ASAP1: variants seen among roughly 807,000 people sequenced by gnomAD.
The protein encoded by ASAP1 is arf-GAP with SH3 domain, ANK repeat and PH domain-containing protein 1.
Under a neutral mutation model 145.2 loss-of-function variants are expected in ASAP1, and 43 were observed. The ratio of observed to expected loss-of-function variants is 0.30; its 90% CI spans 0.23 to 0.38. The LOEUF (loss-of-function observed/expected upper bound fraction) is 0.38, where lower values mean the gene tolerates loss of function less well. Among genes scored for constraint, ASAP1 ranks in the 10% least tolerant of loss-of-function variants. The probability of loss-of-function intolerance (pLI) is 1.00; values close to 1 mark genes in which losing one functional copy is unlikely to be tolerated. For missense variants in ASAP1, 1,018 were observed against 1,355.3 expected (o/e 0.75, Z 3.91); for synonymous variants, 546 against 515.5 (o/e 1.06, Z -0.80).
intron 2 of ASAP1, among the ~76,000 whole-genome samples, chr8:130,393,993 T>C (rs143198111): frequency 0.052 from 7,885 of 152,262 alleles, 243 homozygotes; most frequent in Middle Eastern, 0.12. Flanking sequence ...TCTCTTAATC[T>C]CATCATTTTC....
chr8:130,268,463 G>C (rs1820390275), intron 3 of ASAP1, among the ~76,000 whole-genome samples: 1 of 150,134 alleles, frequency 6.7e-6, no homozygotes, highest in African/African-American at 2.5e-5. Flanking sequence ...ACTCCAGCCT[G>C]GGTGACAGAG....
intron 1 of ASAP1, among the ~76,000 whole-genome samples, chr8:130,405,733 A>T (rs1367645272): frequency 6.6e-6 from 1 of 152,190 alleles, no homozygotes; most frequent in Non-Finnish European, 1.5e-5. Flanking sequence ...TTGACTCTGA[A>T]CTAATTCGAA....
At chr8:130,140,993 C>T (rs1300013800) in intron 13 of ASAP1, among the ~76,000 whole-genome samples, 1 of 152,204 alleles carries the variant, frequency 6.6e-6, no homozygotes, top group Non-Finnish European at 1.5e-5. Flanking sequence ...TTTCAAAGCA[C>T]TTTCTTGACA....
chr8:130,418,570 A>C (rs898650662), intron 1 of ASAP1, among the ~76,000 whole-genome samples: 1 of 151,484 alleles, frequency 6.6e-6, no homozygotes. Context: ...AAATAAATAA[A>C]TAAAATAAAG....
intron 2 of ASAP1, chr8:130,386,797 T>G (rs889746188): frequency 1.3e-5 from 2 of 152,196 alleles, no homozygotes; most frequent in African/African-American, 4.8e-5. Context: ...CTGCAGTAAC[T>G]TTGTAAACCT....
At chr8:130,236,585 G>T in intron 4 of ASAP1, among the ~76,000 whole-genome samples, 1 of 152,096 alleles carries the variant, frequency 6.6e-6, no homozygotes, top group East Asian at 1.9e-4. Context: ...AGATTCTGAT[G>T]TGTTTAACTG....
chr8:130,281,280 A>C (rs188797149), intron 3 of ASAP1, among the ~76,000 whole-genome samples: 59 of 152,322 alleles, frequency 3.9e-4, no homozygotes, highest in Admixed American at 3.3e-3. Flanking sequence ...GATCAACATA[A>C]ACAATGTTTC....
intron 23 of ASAP1, among the ~76,000 whole-genome samples, chr8:130,112,716 A>C (rs532902202): frequency 6.6e-6 from 1 of 152,320 alleles, no homozygotes; most frequent in South Asian, 2.1e-4. Context: ...TCAACCCTTT[A>C]ACGTTGAAGT....
At chr8:130,417,149 C>A (rs1193734922) in intron 1 of ASAP1, among the ~76,000 whole-genome samples, 1 of 151,692 alleles carries the variant, frequency 6.6e-6, no homozygotes, top group African/African-American at 2.4e-5. Flanking sequence ...AGAAATACAA[C>A]CCATGTACAA....
At position 130,433,026 on chromosome 8, in the gene ASAP1, A is replaced by G. The variant is rs142539968; in HGVS notation, c.-28+10434T>C. Among the ~76,000 whole-genome samples the G allele has an allele frequency of 2.1e-3, 313 of 152,302 alleles. 2 individuals carry two copies. The highest frequency in any genetic ancestry group is 3.9e-3 in the Non-Finnish European group (262 of 68,006). ...GCTGCTCAACAGAGTGTAGACTGCA[A>G]ATATCCCACATCTCCACCCTGCTGC... On this transcript the variant is annotated intron_variant, in intron 1 of 29. Coordinates refer to ENST00000518721, the MANE Select transcript of ASAP1 (RefSeq NM_018482.4).
intron 25 of ASAP1, among the ~76,000 whole-genome samples, chr8:130,085,604 C>T (rs535722142): frequency 1.3e-5 from 2 of 151,768 alleles, no homozygotes; most frequent in East Asian, 1.9e-4. Flanking sequence ...TGTGGTGTGA[C>T]GCACCCAGAG....
intron 4 of ASAP1, among the ~76,000 whole-genome samples, chr8:130,219,647 T>C (rs1049313414): frequency 1.3e-5 from 2 of 151,998 alleles, no homozygotes; most frequent in African/African-American, 4.8e-5. Context: ...CAGTGGGAGT[T>C]AGGGTAAGTA....
At chr8:130,286,111 A>G (rs1354669683) in intron 3 of ASAP1, among the ~76,000 whole-genome samples, 2 of 152,190 alleles carry the variant, frequency 1.3e-5, no homozygotes, top group Non-Finnish European at 2.9e-5. Context: ...ATTATTTGCT[A>G]TTTTCTAAAT....
At chr8:130,350,678 T>C (rs1346814291) in intron 3 of ASAP1, among the ~76,000 whole-genome samples, 1 of 152,206 alleles carries the variant, frequency 6.6e-6, no homozygotes. Context: ...CATCACAGCT[T>C]TCATGAGCCT....
intron 11 of ASAP1, among the ~76,000 whole-genome samples, chr8:130,165,475 G>C (rs965878746): frequency 2.0e-5 from 3 of 152,148 alleles, no homozygotes; most frequent in African/African-American, 7.2e-5. Context: ...ATTTCTCCTA[G>C]GATTTATGTG....
chr8:130,233,465 A>C (rs1395892660), intron 4 of ASAP1, among the ~76,000 whole-genome samples: 1 of 152,178 alleles, frequency 6.6e-6, no homozygotes, highest in Non-Finnish European at 1.5e-5. Context: ...ACCCTGAACA[A>C]GTTATTCTGT....
chr8:130,383,202 C>A (rs977854353), intron 2 of ASAP1, among the ~76,000 whole-genome samples: 5 of 152,220 alleles, frequency 3.3e-5, no homozygotes, highest in African/African-American at 1.2e-4. Flanking sequence ...GCAAGGCAGG[C>A]AGACTGCTCA....
intron 29 of ASAP1, among the ~76,000 whole-genome samples, chr8:130,057,042 T>C (rs1322183030): frequency 6.6e-6 from 1 of 152,258 alleles, no homozygotes; most frequent in Non-Finnish European, 1.5e-5. Flanking sequence ...CAGGTTTTAA[T>C]GTAAAAGGAG....
intron 3 of ASAP1, among the ~76,000 whole-genome samples, chr8:130,278,623 T>C (rs1334916092): frequency 6.6e-6 from 1 of 152,166 alleles, no homozygotes; most frequent in Non-Finnish European, 1.5e-5. Flanking sequence ...AGAGTGCAAA[T>C]ATTGGACTGG....
Sources: allele counts gnomAD v4.1 joint callset (sites outside exome capture counted in the v4.1 genomes callset), GRCh38; gene constraint gnomAD v4.1.1; transcripts MANE v1.5; gene names NCBI Gene and HGNC (gene_info 2026-07-23, HGNC 2026-07-21).